Variants in KIAA1217 observed in about 807,000 individuals in gnomAD.
KIAA1217 encodes KIAA1217.
Under a neutral mutation model 163.9 loss-of-function variants are expected in KIAA1217, and 88 were observed. The observed-to-expected ratio is 0.54, with a 90% CI of 0.45 to 0.64. KIAA1217 has a LOEUF of 0.64. KIAA1217 is among the 30% of genes least tolerant of loss of function. The pLI, the probability that KIAA1217 is intolerant of heterozygous loss-of-function variation, is 0.00. For synonymous variants in KIAA1217, 903 were observed against 923.1 expected (o/e 0.98, Z 0.39); for missense variants, 2,372 against 2,475.0 (o/e 0.96, Z 0.88).
intron 5 of KIAA1217, chr10:24,449,849 T>A: frequency 1.4e-6 from 1 of 689,948 alleles, no homozygotes; most frequent in Non-Finnish European, 1.8e-6. Flanking sequence ...TAACTTGTCT[T>A]CTGTATTCAA....
intron 1 of KIAA1217, among the ~76,000 whole-genome samples, chr10:23,810,939 TA>T (rs1333109820): frequency 5.9e-5 from 7 of 118,462 alleles, no homozygotes; most frequent in East Asian, 4.6e-4. Context: ...ATATATACTA[TA>T]GTATATATTA....
chr10:24,200,880 C>G lies in KIAA1217; in HGVS notation c.-170-18746C>G, dbSNP rs540762688. Among the ~76,000 whole-genome samples, 8 of 152,168 alleles carry G rather than the reference C, an allele frequency of 5.3e-5. No individual in the cohort carries two copies. In the South Asian group the frequency reaches 1.7e-3, roughly 32 times the overall value. On this transcript the variant is annotated intron_variant, in intron 2 of 18. Transcript: ENST00000376462. The stretch of plus-strand genomic sequence containing the variant: ...ATCATCAGGTCCTGTAGTCCATTTT[C>G]CACACCAGTTTGTATCAGTGCTGCT...
intron 1 of KIAA1217, among the ~76,000 whole-genome samples, chr10:23,855,618 G>A (rs1462244737): frequency 6.6e-6 from 1 of 152,140 alleles, no homozygotes; most frequent in African/African-American, 2.4e-5. Context: ...TTCCAACTTG[G>A]TTCCATTCTC....
chr10:24,352,475 G>T (rs1049774889), intron 2 of KIAA1217, among the ~76,000 whole-genome samples: 2 of 152,132 alleles, frequency 1.3e-5, no homozygotes, highest in African/African-American at 4.8e-5. Flanking sequence ...GGTGGCCAAA[G>T]CACCACCCTT....
At chr10:24,440,704 T>C (rs1329749143) in intron 5 of KIAA1217, among the ~76,000 whole-genome samples, 1 of 152,192 alleles carries the variant, frequency 6.6e-6, no homozygotes, top group Non-Finnish European at 1.5e-5. Context: ...CTTTAAGCCC[T>C]CATTTTGTGT....
chr10:24,422,367 C>G (rs1468981133), intron 3 of KIAA1217, among the ~76,000 whole-genome samples: 1 of 152,188 alleles, frequency 6.6e-6, no homozygotes, highest in East Asian at 1.9e-4. Context: ...CACAGCTCAT[C>G]TTAAGTGTTA....
chr10:23,729,426 G>C (rs556306519), intron 1 of KIAA1217, among the ~76,000 whole-genome samples: 2 of 152,286 alleles, frequency 1.3e-5, no homozygotes, highest in East Asian at 3.9e-4. Context: ...CAATGAATGA[G>C]AGTTCCCGTT....
chr10:24,338,550 A>G (rs1045727745), intron 2 of KIAA1217, among the ~76,000 whole-genome samples: 2 of 152,248 alleles, frequency 1.3e-5, no homozygotes, highest in Non-Finnish European at 2.9e-5. Flanking sequence ...TTAATCCTTC[A>G]AAGAGAGACA....
intron 3 of KIAA1217, among the ~76,000 whole-genome samples, chr10:24,432,118 CTT>C (rs57893341): frequency 0.23 from 26,229 of 115,782 alleles, 2,840 homozygotes; most frequent in East Asian, 0.32. Context: ...AAGTATCGTC[CTT>C]TTTTTTTTTT....
At position 23,797,950 on chromosome 10, in the gene KIAA1217, T is replaced by C. The variant is rs904791126; in HGVS notation, c.-321+102716T>C. On this transcript the variant is annotated intron_variant, in intron 1 of 18. Coordinates refer to the KIAA1217 transcript ENST00000376462. ...AGGAGATTTAAACTTGGAGGAACAATAGATTGTAAGATCTTTAGGGACTCT... is the reference window on the plus strand; with the variant it reads ...AGGAGATTTAAACTTGGAGGAACAACAGATTGTAAGATCTTTAGGGACTCT... Among the ~76,000 whole-genome samples the C allele has an allele frequency of 5.9e-5, 9 of 152,212 alleles. No homozygotes were observed. In the South Asian group the frequency reaches 8.3e-4, roughly 14 times the overall value.
intron 10 of KIAA1217, 98 bp from the exon 11 acceptor site, chr10:24,520,025 C>T (rs1306483077): frequency 3.6e-6 from 5 of 1,402,142 alleles, no homozygotes; most frequent in Non-Finnish European, 3.9e-6. Context: ...AGCTGGGGCT[C>T]TACACAAAAT....
chr10:23,904,554 C>T (rs1589048119), intron 1 of KIAA1217, among the ~76,000 whole-genome samples: 2 of 152,122 alleles, frequency 1.3e-5, no homozygotes, highest in Admixed American at 1.3e-4. Context: ...AACACTTCCA[C>T]ATCAAGGTGA....
intron 2 of KIAA1217, among the ~76,000 whole-genome samples, chr10:24,099,833 T>C (rs1490865283): frequency 6.9e-6 from 1 of 145,948 alleles, no homozygotes; most frequent in African/African-American, 2.5e-5. Flanking sequence ...AGTGAGAACA[T>C]GTGGTGTTTG....
At chr10:24,149,039 T>C (rs2131853191) in intron 2 of KIAA1217, among the ~76,000 whole-genome samples, 1 of 152,324 alleles carries the variant, frequency 6.6e-6, no homozygotes, top group East Asian at 1.9e-4. Flanking sequence ...CTCTGCTTAC[T>C]GCCTGACATC....
intron 2 of KIAA1217, among the ~76,000 whole-genome samples, chr10:24,112,591 T>TC (rs1274332624): frequency 6.6e-6 from 1 of 151,972 alleles, no homozygotes; most frequent in Non-Finnish European, 1.5e-5. Flanking sequence ...TTATTTTATT[T>TC]TATTTTTTTT....
intron 1 of KIAA1217, among the ~76,000 whole-genome samples, chr10:24,000,369 G>GA (rs1174310153): frequency 1.3e-5 from 2 of 152,094 alleles, no homozygotes; most frequent in African/African-American, 4.8e-5. Context: ...TTTATAAGGG[G>GA]TTTTTCCCCA....
chr10:24,271,071 CTTAA>C (rs1459836833), intron 2 of KIAA1217, among the ~76,000 whole-genome samples: 2 of 152,178 alleles, frequency 1.3e-5, no homozygotes, highest in Non-Finnish European at 2.9e-5. Flanking sequence ...AAAGCATATT[CTTAA>C]TTTGTCTATA....
At chr10:23,790,970 A>G (rs1457297643) in intron 1 of KIAA1217, among the ~76,000 whole-genome samples, 1 of 152,106 alleles carries the variant, frequency 6.6e-6, no homozygotes, top group Non-Finnish European at 1.5e-5. Context: ...CCTGGCCTCA[A>G]GTGAGCCTCC....
intron 1 of KIAA1217, among the ~76,000 whole-genome samples, chr10:23,743,786 A>G (rs1839251019): frequency 6.6e-6 from 1 of 152,226 alleles, no homozygotes; most frequent in Non-Finnish European, 1.5e-5. Context: ...TATAGCCAGT[A>G]AAATTTGCAC....
Sources: gnomAD v4.1 joint callset for allele counts (sites outside exome capture counted in the v4.1 genomes callset) on GRCh38, gnomAD v4.1.1 for gene constraint, MANE v1.5 for transcripts, NCBI Gene and HGNC (gene_info 2026-07-23, HGNC 2026-07-21) for gene names.